Variants in CTNNA3 observed in about 807,000 individuals in gnomAD.
The protein encoded by CTNNA3 is catenin alpha 3.
In CTNNA3, 76 loss-of-function variants were observed where a neutral mutation model predicts 95.7. The observed-to-expected ratio is 0.79, with a 90% confidence interval of 0.66 to 0.96. The LOEUF (loss-of-function observed/expected upper bound fraction) is 0.96, where lower values mean the gene tolerates loss of function less well. CTNNA3 is among the 40% of genes least tolerant of loss of function. The probability of loss-of-function intolerance (pLI) is 0.00; values close to 1 mark genes in which losing one functional copy is unlikely to be tolerated. For missense variants in CTNNA3, 1,191 were observed against 1,089.8 expected (o/e 1.09, Z -1.31); for synonymous variants, 431 against 374.4 (o/e 1.15, Z -1.74).
At chr10:66,214,148 G>A (rs1241127234) in intron 13 of CTNNA3, among the ~76,000 whole-genome samples, 2 of 152,098 alleles carry the variant, frequency 1.3e-5, no homozygotes, top group African/African-American at 2.4e-5. Context: ...AACACACAGA[G>A]GTAGCAACCA....
intron 3 of CTNNA3, among the ~76,000 whole-genome samples, chr10:67,540,186 G>A (rs1840629441): frequency 1.3e-5 from 2 of 151,934 alleles, no homozygotes; most frequent in African/African-American, 4.8e-5. Context: ...CTAATTGTTA[G>A]AGAATATTGT....
chr10:67,392,295 A>G (rs866930784), intron 5 of CTNNA3, among the ~76,000 whole-genome samples: 66 of 152,376 alleles, frequency 4.3e-4, no homozygotes, highest in Middle Eastern at 6.8e-3. Context: ...GCCAACAGAC[A>G]CGTGAAAAAA....
intron 2 of CTNNA3, among the ~76,000 whole-genome samples, chr10:67,624,312 C>T (rs1843951808): frequency 6.6e-6 from 1 of 152,166 alleles, no homozygotes; most frequent in South Asian, 2.1e-4. Context: ...TGTCAACACA[C>T]CTGGACAGAC....
At chr10:67,650,087 C>T (rs1232419250) in intron 1 of CTNNA3, among the ~76,000 whole-genome samples, 1 of 152,188 alleles carries the variant, frequency 6.6e-6, no homozygotes, top group Admixed American at 6.5e-5. Flanking sequence ...GATCCGCCCG[C>T]CTCACCCTCC....
At chr10:67,056,577 C>T (rs1364740236) in intron 7 of CTNNA3, among the ~76,000 whole-genome samples, 1 of 152,150 alleles carries the variant, frequency 6.6e-6, no homozygotes, top group Non-Finnish European at 1.5e-5. Context: ...TCAAAGGACA[C>T]TCACAAACTT....
At chr10:66,713,403 A>G (rs10997343) in intron 9 of CTNNA3, among the ~76,000 whole-genome samples, 6,448 of 151,980 alleles carry the variant, frequency 0.042, 246 homozygotes, top group East Asian at 0.22. Context: ...GGTATTTTAA[A>G]TGTTTTAGAG....
At chr10:66,825,478 A>G (rs1053741478) in intron 7 of CTNNA3, among the ~76,000 whole-genome samples, 1 of 151,576 alleles carries the variant, frequency 6.6e-6, no homozygotes, top group Non-Finnish European at 1.5e-5. Flanking sequence ...GTTTTGCTTT[A>G]TGTTGGCCAG....
At chr10:66,220,225 G>T (rs2088846661) in intron 13 of CTNNA3, among the ~76,000 whole-genome samples, 1 of 144,292 alleles carries the variant, frequency 6.9e-6, no homozygotes, top group Non-Finnish European at 1.5e-5. Context: ...CAAAAAATGT[G>T]GTTTTAAGCA....
intron 7 of CTNNA3, among the ~76,000 whole-genome samples, chr10:67,061,003 G>A (rs1325234019): frequency 6.6e-6 from 1 of 151,988 alleles, no homozygotes. Context: ...ACCTCAAAGA[G>A]TCATGGGAAC....
intron 15 of CTNNA3, among the ~76,000 whole-genome samples, chr10:66,009,227 T>C (rs1372131572): frequency 6.6e-6 from 1 of 152,178 alleles, no homozygotes; most frequent in Admixed American, 6.5e-5. Context: ...TCATCTCTAC[T>C]AAGATTAAGA....
At chr10:66,743,860 C>T (rs1016480637) in intron 9 of CTNNA3, among the ~76,000 whole-genome samples, 1 of 150,090 alleles carries the variant, frequency 6.7e-6, no homozygotes, top group Non-Finnish European at 1.5e-5. Context: ...CCTGTGGTCC[C>T]AGCTACTTGG....
At chr10:67,658,886 G>A (rs60211433) in intron 1 of CTNNA3, among the ~76,000 whole-genome samples, 36,127 of 152,016 alleles carry the variant, frequency 0.24, 8,810 homozygotes, top group African/African-American at 0.63. Flanking sequence ...ATAAGCTTGA[G>A]TATTTGAAGT....
chr10:67,379,645 C>T (rs1392634030), intron 5 of CTNNA3, among the ~76,000 whole-genome samples: 2 of 152,118 alleles, frequency 1.3e-5, no homozygotes, highest in African/African-American at 2.4e-5. Context: ...ACACTTAATA[C>T]AAGCCATCTG....
intron 1 of CTNNA3, among the ~76,000 whole-genome samples, chr10:67,711,301 G>T (rs753444641): frequency 3.3e-5 from 5 of 152,214 alleles, no homozygotes; most frequent in Admixed American, 2.6e-4. Flanking sequence ...GCAGAGGTTG[G>T]AACAGTTTGG....
chr10:66,803,706 GAA>G lies in CTNNA3; in HGVS notation c.1048-28184_1048-28183del, dbSNP rs560894636. ...TACAGATGAGCAACTGAAGCATAGAGAAGTTTATTGCCCATCAATAATCACAA... is the reference window on the plus strand; with the variant it reads ...TACAGATGAGCAACTGAAGCATAGAGGTTTATTGCCCATCAATAATCACAA... On this transcript the variant is annotated intron_variant, in intron 7 of 17. Coordinates refer to ENST00000433211, the MANE Select transcript of CTNNA3 (RefSeq NM_013266.4). Among the ~76,000 whole-genome samples, 6 of 152,146 alleles carry G rather than the reference GAA, an allele frequency of 3.9e-5. No individual in the cohort carries two copies. In the South Asian group the frequency reaches 1.0e-3, roughly 26 times the overall value.
intron 5 of CTNNA3, among the ~76,000 whole-genome samples, chr10:67,335,726 T>C (rs999938094): frequency 6.6e-6 from 1 of 152,370 alleles, no homozygotes; most frequent in East Asian, 1.9e-4. Context: ...TGCTTGTTTA[T>C]GTAAATTAGC....
At chr10:66,903,741 A>T (rs533058665) in intron 7 of CTNNA3, among the ~76,000 whole-genome samples, 1 of 152,324 alleles carries the variant, frequency 6.6e-6, no homozygotes, top group South Asian at 2.1e-4. Flanking sequence ...ATAACAGACC[A>T]ACAGAGAGCC....
Position 66,409,405 on chromosome 10 carries a change from A to ACC in CTNNA3, c.1532-30054_1532-30053insGG, listed in dbSNP as rs1369990413. ...CAGAGAATTTTCTAACTGTTCCCAAAAAAAAAAAATGTCTTTTTAAGAAGG... is the reference window on the plus strand; with the variant it reads ...CAGAGAATTTTCTAACTGTTCCCAAACCAAAAAAAAATGTCTTTTTAAGAAGG... On this transcript the variant is annotated intron_variant, in intron 11 of 17. Coordinates refer to ENST00000433211, the MANE Select transcript of CTNNA3 (RefSeq NM_013266.4). Among the ~76,000 whole-genome samples the ACC allele has an allele frequency of 3.1e-3, 471 of 151,948 alleles. 1 individual carries two copies. The highest frequency in any genetic ancestry group is 0.011 in the African/African-American group (452 of 41,348).
intron 5 of CTNNA3, among the ~76,000 whole-genome samples, chr10:67,484,723 C>G (rs562107136): frequency 2.6e-5 from 4 of 152,214 alleles, no homozygotes; most frequent in African/African-American, 9.6e-5. Flanking sequence ...CACTATTCAT[C>G]AGATAATGCA....
Sources: gnomAD v4.1 joint callset for allele counts (sites outside exome capture counted in the v4.1 genomes callset) on GRCh38, gnomAD v4.1.1 for gene constraint, MANE v1.5 for transcripts, NCBI Gene and HGNC (gene_info 2026-07-23, HGNC 2026-07-21) for gene names.